Variants in TSPAN13 observed in about 807,000 individuals in gnomAD.
The protein encoded by TSPAN13 is tetraspanin-13.
TSPAN13 carries 18 observed loss-of-function variants against 26.9 expected under a neutral mutation model. The ratio of observed to expected loss-of-function variants is 0.67; its 90% CI spans 0.46 to 0.99. TSPAN13 has a LOEUF of 0.99. Ranked by LOEUF, TSPAN13 falls within the 50% of genes least tolerant of loss-of-function variation. TSPAN13 has a pLI of 0.00. For synonymous variants in TSPAN13, 116 were observed against 98.4 expected (o/e 1.18, Z -1.06); for missense variants, 201 against 249.6 (o/e 0.81, Z 1.31).
chr7:16,762,265 A>G (rs1380461690), intron 1 of TSPAN13, among the ~76,000 whole-genome samples: 1 of 152,176 alleles, frequency 6.6e-6, no homozygotes, highest in Non-Finnish European at 1.5e-5. Context: ...TGAAAGGGTA[A>G]TGAGCAATAT....
intron 1 of TSPAN13, among the ~76,000 whole-genome samples, chr7:16,757,705 A>G (rs1000333707): frequency 6.6e-6 from 1 of 151,978 alleles, no homozygotes; most frequent in Non-Finnish European, 1.5e-5. Context: ...CTTTTTCGTG[A>G]TTCTTTTTCC....
chr7:16,759,699 CTTTT>C (rs59571826), intron 1 of TSPAN13, among the ~76,000 whole-genome samples: 16 of 132,434 alleles, frequency 1.2e-4, no homozygotes, highest in Non-Finnish European at 1.9e-4. Flanking sequence ...TTCTTTCTTT[CTTTT>C]TTTTTTTTTT....
intron 1 of TSPAN13, among the ~76,000 whole-genome samples, chr7:16,774,112 A>G (rs922030931): frequency 6.6e-6 from 1 of 152,166 alleles, no homozygotes; most frequent in African/African-American, 2.4e-5. Flanking sequence ...CTTAAGAACA[A>G]AGATTAAGGT....
intron 1 of TSPAN13, among the ~76,000 whole-genome samples, chr7:16,765,816 CTG>C (rs1250953455): frequency 6.6e-6 from 1 of 152,138 alleles, no homozygotes; most frequent in African/African-American, 2.4e-5. Flanking sequence ...CATAAGGAAA[CTG>C]TTATTATAAT....
chr7:16,756,673 A>T (rs1449920884), intron 1 of TSPAN13, among the ~76,000 whole-genome samples: 1 of 152,222 alleles, frequency 6.6e-6, no homozygotes, highest in African/African-American at 2.4e-5. Flanking sequence ...TAGGATCGCC[A>T]GTACTGGACA....
At chr7:16,756,112 A>G (rs1784478987) in intron 1 of TSPAN13, among the ~76,000 whole-genome samples, 1 of 152,204 alleles carries the variant, frequency 6.6e-6, no homozygotes, top group South Asian at 2.1e-4. Context: ...GGCAAGTGAC[A>G]GGTAAAAGTT....
intron 1 of TSPAN13, among the ~76,000 whole-genome samples, chr7:16,760,633 A>C (rs114902609): frequency 6.6e-6 from 1 of 152,174 alleles, no homozygotes; most frequent in Non-Finnish European, 1.5e-5. Context: ...GGAGAAGGGC[A>C]GTGGTCCATG....
intron 1 of TSPAN13, among the ~76,000 whole-genome samples, chr7:16,764,810 T>C (rs1428350780): frequency 3.9e-5 from 6 of 152,150 alleles, no homozygotes; most frequent in Non-Finnish European, 8.8e-5. Flanking sequence ...GATGCAGTTC[T>C]ATAGGGAGAA....
intron 1 of TSPAN13, among the ~76,000 whole-genome samples, chr7:16,763,732 T>C (rs898541739): frequency 2.0e-5 from 3 of 152,192 alleles, no homozygotes; most frequent in African/African-American, 7.2e-5. Flanking sequence ...TGGGCAGCCA[T>C]GATTGGTGGG....
At chr7:16,771,077 T>C (rs1562519421) in intron 1 of TSPAN13, among the ~76,000 whole-genome samples, 1 of 152,194 alleles carries the variant, frequency 6.6e-6, no homozygotes. Flanking sequence ...CCTAAATCCT[T>C]TCCCGTTAGG....
intron 4 of TSPAN13, 56 bp from the exon 5 acceptor site, chr7:16,778,947 T>C (rs893626615): frequency 1.1e-5 from 15 of 1,367,458 alleles, no homozygotes; most frequent in Middle Eastern, 3.7e-4. Flanking sequence ...GCAGTTTTTA[T>C]GGGCTTTTTA....
intron 1 of TSPAN13, among the ~76,000 whole-genome samples, chr7:16,757,866 T>G (rs1251672001): frequency 1.4e-4 from 21 of 152,148 alleles, no homozygotes; most frequent in Non-Finnish European, 2.9e-5. Flanking sequence ...GGAGTTTCAC[T>G]CTCGTTGCCC....
intron 1 of TSPAN13, 25 bp downstream of exon 1, chr7:16,754,055 C>G: frequency 6.2e-7 from 1 of 1,611,056 alleles, no homozygotes; most frequent in Non-Finnish European, 8.5e-7. Flanking sequence ...TCCGTTCCTG[C>G]TCGCTTGGGG....
chr7:16,768,366 G>T (rs891644190), intron 1 of TSPAN13, among the ~76,000 whole-genome samples: 1 of 152,150 alleles, frequency 6.6e-6, no homozygotes, highest in African/African-American at 2.4e-5. Context: ...TCTACAGCCA[G>T]GTAGCCTGGG....
intron 1 of TSPAN13, among the ~76,000 whole-genome samples, chr7:16,775,402 C>G (rs1015487947): frequency 2.0e-5 from 3 of 152,222 alleles, no homozygotes; most frequent in Non-Finnish European, 2.9e-5. Context: ...CAAAGAATTT[C>G]TTTTTGCTCA....
At chr7:16,772,302 T>G (rs753096645) in intron 1 of TSPAN13, among the ~76,000 whole-genome samples, 5 of 152,166 alleles carry the variant, frequency 3.3e-5, no homozygotes, top group Non-Finnish European at 7.3e-5. Context: ...TTTGTCAAAC[T>G]CCAAATAGGT....
chr7:16,755,032 G>C lies in TSPAN13; in HGVS notation c.63+1002G>C, dbSNP rs544941278. 7.2e-5 allele frequency among the ~76,000 whole-genome samples: 11 copies of C among 152,326 alleles called. 1 individual carries two copies. Among genetic ancestry groups the C allele is most frequent in the African/African-American group, 2.6e-4 (11 of 41,562 alleles). On this transcript the variant is annotated intron_variant, in intron 1 of 5. Transcript: ENST00000262067. Reference sequence around the variant, plus strand: ...AGTGGAACCTAGGCTGTGGAATCCAGATCTTTCCACAGGCTGTCTCTACCG... The same window carrying C: ...AGTGGAACCTAGGCTGTGGAATCCACATCTTTCCACAGGCTGTCTCTACCG...
At chr7:16,756,884 T>C (rs1784485862) in intron 1 of TSPAN13, among the ~76,000 whole-genome samples, 1 of 152,216 alleles carries the variant, frequency 6.6e-6, no homozygotes, top group South Asian at 2.1e-4. Flanking sequence ...AGTTTGGAAA[T>C]ACAGCAGCAA....
chr7:16,771,074 C>T (rs960403842), intron 1 of TSPAN13, among the ~76,000 whole-genome samples: 4 of 152,192 alleles, frequency 2.6e-5, no homozygotes, highest in Non-Finnish European at 5.9e-5. Flanking sequence ...AAACCTAAAT[C>T]CTTTCCCGTT....
Sources: gnomAD v4.1 joint callset for allele counts (sites outside exome capture counted in the v4.1 genomes callset) on GRCh38, gnomAD v4.1.1 for gene constraint, MANE v1.5 for transcripts, NCBI Gene and HGNC (gene_info 2026-07-23, HGNC 2026-07-21) for gene names.